GSE1: variants seen among roughly 807,000 people sequenced by gnomAD.
GSE1 encodes the protein Gse1 coiled-coil protein.
In GSE1, 32 loss-of-function variants were observed where a neutral mutation model predicts 112.6. The ratio of observed to expected loss-of-function variants is 0.28; its 90% CI spans 0.21 to 0.38. The LOEUF is 0.38. GSE1 is among the 10% of genes least tolerant of loss of function. GSE1 has a pLI of 1.00. For synonymous variants in GSE1, 1,115 were observed against 735.6 expected (o/e 1.52, Z -8.35); for missense variants, 2,348 against 1,699.2 (o/e 1.38, Z -6.71).
intron 2 of GSE1, among the ~76,000 whole-genome samples, chr16:85,447,232 G>C (rs1401072349): frequency 1.3e-5 from 2 of 152,138 alleles, no homozygotes; most frequent in African/African-American, 4.8e-5. Flanking sequence ...AGCCCTCCGT[G>C]GTCTGGGCCC....
intron 2 of GSE1, among the ~76,000 whole-genome samples, chr16:85,385,205 G>C (rs2151630868): frequency 6.6e-6 from 1 of 152,354 alleles, no homozygotes; most frequent in Non-Finnish European, 1.5e-5. Flanking sequence ...TTTGGGGTGG[G>C]TGCCTCCAGC....
chr16:85,663,819 G>C (rs1203018756), intron 11 of GSE1, among the ~76,000 whole-genome samples: 6 of 152,254 alleles, frequency 3.9e-5, no homozygotes, highest in African/African-American at 1.4e-4. Flanking sequence ...TTTGCTCTGA[G>C]AGCCCCACCA....
At chr16:85,462,638 G>A (rs768883089) in intron 2 of GSE1, among the ~76,000 whole-genome samples, 14 of 144,462 alleles carry the variant, frequency 9.7e-5, no homozygotes, top group Non-Finnish European at 1.1e-4. Flanking sequence ...GCGTTATCAA[G>A]TGCAGGGGAG....
In GSE1 at chr16:85,386,334, T is replaced by C. The variant is rs559016648; in HGVS notation, c.2464+28691T>C. ...AGTTGGATGCTGCCTGGGTCAAACCTGGTCATGCCATCTTACTGTGCAAAT... is the reference window on the plus strand; with the variant it reads ...AGTTGGATGCTGCCTGGGTCAAACCCGGTCATGCCATCTTACTGTGCAAAT... On this transcript the variant is annotated intron_variant, in intron 2 of 2. Transcript: ENST00000637419. Among the ~76,000 whole-genome samples, 6 of 152,356 alleles carry C rather than the reference T, an allele frequency of 3.9e-5. No individual in the cohort carries two copies. In the East Asian group the frequency reaches 1.2e-3, roughly 29 times the overall value.
intron 2 of GSE1, among the ~76,000 whole-genome samples, chr16:85,413,669 C>A (rs8049150): frequency 6.6e-6 from 1 of 152,116 alleles, no homozygotes; most frequent in Non-Finnish European, 1.5e-5. Context: ...GACCCCCAAA[C>A]AGCAATTCAA....
chr16:85,590,820 C>G (rs2046973181), intron 1 of GSE1, among the ~76,000 whole-genome samples: 1 of 152,244 alleles, frequency 6.6e-6, no homozygotes, highest in Non-Finnish European at 1.5e-5. Flanking sequence ...CCGCAGCTCA[C>G]TCTGCCTCTT....
rs940425327 is a variant in GSE1 at position 85,509,342 on chromosome 16, T to G, written c.2465-124572T>G. Among the ~76,000 whole-genome samples, 8 of 152,210 alleles carry G rather than the reference T, an allele frequency of 5.3e-5. 2 individuals are homozygous for G. Among genetic ancestry groups the G allele is most frequent in the Admixed American group, 6.5e-5 (1 of 15,290 alleles). ...CTGCGGTCTTCAGAGGCTGCCTGAG[T>G]CTCACTAAGTTTCTCCTCAGAACAA... On this transcript the variant is annotated intron_variant, in intron 2 of 2. Transcript: ENST00000637419.
chr16:85,272,431 G>A (rs567579411), intron 1 of GSE1, among the ~76,000 whole-genome samples: 80 of 149,698 alleles, frequency 5.3e-4, no homozygotes, highest in Admixed American at 9.2e-4. Flanking sequence ...AATGCTGACA[G>A]TTTCTATTTT....
intron 1 of GSE1, among the ~76,000 whole-genome samples, chr16:85,591,000 G>A (rs2046980752): frequency 6.6e-6 from 1 of 152,300 alleles, no homozygotes; most frequent in South Asian, 2.1e-4. Flanking sequence ...GCCCTCCTGG[G>A]GAGCAGGGCA....
chr16:85,482,590 C>G (rs2151875034), intron 2 of GSE1, among the ~76,000 whole-genome samples: 1 of 152,318 alleles, frequency 6.6e-6, no homozygotes, highest in Middle Eastern at 3.4e-3. Flanking sequence ...GGACATCTGT[C>G]TTCAGTGCCA....
intron 8 of GSE1, chr16:85,659,410 A>C (rs184174428): frequency 6.6e-6 from 1 of 152,368 alleles, no homozygotes; most frequent in Admixed American, 6.5e-5. Flanking sequence ...TGTAGGCCCA[A>C]CTACTCTGGA....
intron 1 of GSE1, among the ~76,000 whole-genome samples, chr16:85,218,500 A>T (rs1354227097): frequency 6.6e-6 from 1 of 152,218 alleles, no homozygotes; most frequent in Admixed American, 6.5e-5. Flanking sequence ...GTGAAACGAG[A>T]CGTGCCGCTC....
At chr16:85,480,636 G>T (rs2050644031) in intron 2 of GSE1, among the ~76,000 whole-genome samples, 1 of 152,118 alleles carries the variant, frequency 6.6e-6, no homozygotes, top group African/African-American at 2.4e-5. Context: ...TTGCCCTCCT[G>T]GGAGACAGAG....
intron 1 of GSE1, among the ~76,000 whole-genome samples, chr16:85,629,138 C>T (rs1261454492): frequency 1.3e-5 from 2 of 152,218 alleles, no homozygotes. Context: ...CCTCCTGAGG[C>T]CTCCCCAGAA....
chr16:85,372,965 C>G (rs1597515482), intron 2 of GSE1, among the ~76,000 whole-genome samples: 2 of 152,232 alleles, frequency 1.3e-5, no homozygotes, highest in South Asian at 4.1e-4. Context: ...CCATGTGGCA[C>G]AGAGCTTTCA....
In GSE1 at chr16:85,242,009, C is replaced by T. The variant is rs545345468; in HGVS notation, c.2283+70202C>T. On this transcript the variant is annotated intron_variant, in intron 1 of 2. Coordinates refer to the GSE1 transcript ENST00000637419. ...CTGGGGTCAGCCAGGTTCCCTTGCT[C>T]CCTGCTACACCGTCCTGGTGTCCCT... 3.2e-3 allele frequency among the ~76,000 whole-genome samples: 480 copies of T among 152,238 alleles called. 1 individual carries two copies. The highest frequency in any genetic ancestry group is 0.011 in the African/African-American group (454 of 41,536).
At chr16:85,672,297 G>C in intron 15 of GSE1, 108 bp from the exon 16 acceptor site, 2 of 826,988 alleles carry the variant, frequency 2.4e-6, no homozygotes, top group Non-Finnish European at 3.9e-6. Context: ...GCCCGGCCGG[G>C]ACATTTTCAA....
At chr16:85,619,836 C>A (rs1317015894) in intron 1 of GSE1, among the ~76,000 whole-genome samples, 2 of 152,240 alleles carry the variant, frequency 1.3e-5, no homozygotes, top group African/African-American at 4.8e-5. Flanking sequence ...AGAAAGGGGC[C>A]CCGGGGATCC....
chr16:85,344,938 C>T (rs1390648565), intron 1 of GSE1, among the ~76,000 whole-genome samples: 1 of 152,236 alleles, frequency 6.6e-6, no homozygotes, highest in Non-Finnish European at 1.5e-5. Context: ...GCCAGCTCTG[C>T]TCTGCCCTCA....
Sources: gnomAD v4.1 joint callset for allele counts (sites outside exome capture counted in the v4.1 genomes callset) on GRCh38, gnomAD v4.1.1 for gene constraint, MANE v1.5 for transcripts, NCBI Gene and HGNC (gene_info 2026-07-23, HGNC 2026-07-21) for gene names.